Variants in LZTS1 observed in about 807,000 individuals in gnomAD.
LZTS1 encodes leucine zipper putative tumor suppressor 1.
LZTS1 carries 31 observed loss-of-function variants against 45.8 expected under a neutral mutation model. The observed-to-expected ratio is 0.68, with a 90% confidence interval of 0.51 to 0.91. The LOEUF (loss-of-function observed/expected upper bound fraction) is 0.91. LZTS1 is among the 40% of genes least tolerant of loss of function. The pLI is 0.00. For synonymous variants in LZTS1, 359 were observed against 357.3 expected, an observed-to-expected ratio of 1.00 and a Z score of -0.05; for missense variants, 821 against 788.9, an observed-to-expected ratio of 1.04 and a Z score of -0.49.
intron 1 of LZTS1, among the ~76,000 whole-genome samples, chr8:20,259,883 T>A (rs376304280): frequency 7.0e-6 from 1 of 143,726 alleles, no homozygotes; most frequent in South Asian, 2.3e-4. Flanking sequence ...CCTGTACTAA[T>A]CTTATTATTT....
chr8:20,279,095 G>C (rs1800637790), intron 1 of LZTS1, among the ~76,000 whole-genome samples: 1 of 152,180 alleles, frequency 6.6e-6, no homozygotes, highest in African/African-American at 2.4e-5. Flanking sequence ...CCAGCCTTCT[G>C]CCTGTGAAAA....
chr8:20,267,771 T>C (rs1486338351), intron 1 of LZTS1, among the ~76,000 whole-genome samples: 1 of 152,112 alleles, frequency 6.6e-6, no homozygotes, highest in East Asian at 1.9e-4. Flanking sequence ...CGACTCGGAC[T>C]CCCAAAGTGC....
intron 1 of LZTS1, among the ~76,000 whole-genome samples, chr8:20,269,952 C>T (rs1159597484): frequency 2.6e-5 from 4 of 152,286 alleles, no homozygotes; most frequent in South Asian, 4.1e-4. Context: ...CTCTCACTAA[C>T]GGGCACCCTC....
intron 1 of LZTS1, among the ~76,000 whole-genome samples, chr8:20,285,657 G>T (rs2128898018): frequency 6.6e-6 from 1 of 152,230 alleles, no homozygotes; most frequent in South Asian, 2.1e-4. Context: ...TATGCACATT[G>T]ACCTAGTGAC....
intron 1 of LZTS1, among the ~76,000 whole-genome samples, chr8:20,285,964 A>C (rs1026863853): frequency 6.6e-6 from 1 of 152,222 alleles, no homozygotes; most frequent in Admixed American, 6.5e-5. Flanking sequence ...TTGAGGAAAA[A>C]GTAAATATTG....
chr8:20,294,209 A>G (rs1225649632), intron 1 of LZTS1, among the ~76,000 whole-genome samples: 1 of 152,200 alleles, frequency 6.6e-6, no homozygotes, highest in African/African-American at 2.4e-5. Flanking sequence ...TCTAGAATAG[A>G]AGTAAGTCCA....
intron 3 of LZTS1, among the ~76,000 whole-genome samples, chr8:20,250,842 GC>G: frequency 6.6e-6 from 1 of 151,800 alleles, no homozygotes; most frequent in African/African-American, 2.4e-5. Context: ...CAAGTGCTCT[GC>G]CTGCCTCTGC....
chr8:20,271,681 G>A (rs1800477627), intron 1 of LZTS1, among the ~76,000 whole-genome samples: 3 of 152,200 alleles, frequency 2.0e-5, no homozygotes, highest in South Asian at 4.1e-4. Context: ...GACCGCGGCT[G>A]CTTCACCAGT....
chr8:20,285,636 G>T (rs1487056560), intron 1 of LZTS1, among the ~76,000 whole-genome samples: 1 of 152,170 alleles, frequency 6.6e-6, no homozygotes. Context: ...ATAATCTAAA[G>T]ATTTACATTT....
At position 20,267,285 on chromosome 8, in the gene LZTS1, T is replaced by C. The variant is rs139585731; in HGVS notation, c.-134-11970A>G. Among the ~76,000 whole-genome samples the C allele has an allele frequency of 5.4e-3, 813 of 151,784 alleles. 7 individuals are homozygous for C. Among genetic ancestry groups the C allele is most frequent in the African/African-American group, 0.019 (766 of 41,344 alleles). On this transcript the variant is annotated intron_variant, in intron 1 of 3. Coordinates refer to ENST00000381569, the MANE Select transcript of LZTS1 (RefSeq NM_021020.5). The stretch of plus-strand genomic sequence containing the variant: ...CCCCAGGGTGCTGAGAGCCCAAGAG[T>C]GTAGACCTGGTCTCCATGTTGGGGG...
At chr8:20,253,607 G>A (rs755048808) in intron 2 of LZTS1, 22 bp from the exon 3 acceptor site, 5 of 1,432,056 alleles carry the variant, frequency 3.5e-6, no homozygotes, top group African/African-American at 1.4e-5. Flanking sequence ...AAGGACCGCG[G>A]TGACTCATGC....
chr8:20,286,754 T>C (rs1431700575), intron 1 of LZTS1, among the ~76,000 whole-genome samples: 1 of 152,202 alleles, frequency 6.6e-6, no homozygotes, highest in Non-Finnish European at 1.5e-5. Flanking sequence ...CACAGTAGAA[T>C]GAATGGGCTG....
At chr8:20,272,811 C>T (rs1209776513) in intron 1 of LZTS1, among the ~76,000 whole-genome samples, 2 of 152,334 alleles carry the variant, frequency 1.3e-5, no homozygotes, top group South Asian at 4.1e-4. Context: ...CCAGCCATGG[C>T]GTGACTCTCG....
At chr8:20,275,158 T>C (rs944486400) in intron 1 of LZTS1, among the ~76,000 whole-genome samples, 2 of 152,060 alleles carry the variant, frequency 1.3e-5, no homozygotes, top group African/African-American at 4.8e-5. Flanking sequence ...TCCCAGTACT[T>C]TGGGAGACTG....
At chr8:20,273,071 C>G (rs564561114) in intron 1 of LZTS1, among the ~76,000 whole-genome samples, 1 of 152,294 alleles carries the variant, frequency 6.6e-6, no homozygotes, top group Admixed American at 6.5e-5. Flanking sequence ...TCTGTCCCCA[C>G]CAATCCACTA....
chr8:20,250,545 C>A (rs909470141), intron 3 of LZTS1, among the ~76,000 whole-genome samples, 182 bp from the exon 4 acceptor site: 1 of 152,208 alleles, frequency 6.6e-6, no homozygotes, highest in Non-Finnish European at 1.5e-5. Flanking sequence ...CCCAGGTTAT[C>A]GAGCTAGGCT....
chr8:20,283,413 C>T (rs761731353), intron 1 of LZTS1, among the ~76,000 whole-genome samples: 1 of 152,170 alleles, frequency 6.6e-6, no homozygotes, highest in African/African-American at 2.4e-5. Flanking sequence ...TCCCCAGACA[C>T]TGAATCTGCT....
Position 20,303,834 on chromosome 8 carries a change from G to C in LZTS1, c.-229C>G. 1 of 985,116 alleles carries C rather than the reference G, an allele frequency of 1.0e-6. No individual in the cohort carries two copies. 61.0% of individuals were successfully genotyped at this position (985,116 alleles called of 1,614,324 possible). A position where few individuals can be genotyped will look rare whatever the true frequency, so the allele number is the denominator to read the frequency against. ...TCTCTTTTTCCAGAGCTGCTGAGCG[G>C]GCCGGGCCGGTCCCACTGCGCGGGA... On this transcript the variant is annotated 5_prime_UTR_variant, in exon 1 of 4. Coordinates refer to ENST00000381569, the MANE Select transcript of LZTS1 (RefSeq NM_021020.5).
At chr8:20,260,116 G>C (rs1800195135) in intron 1 of LZTS1, among the ~76,000 whole-genome samples, 1 of 152,136 alleles carries the variant, frequency 6.6e-6, no homozygotes, top group Non-Finnish European at 1.5e-5. Context: ...TGCCCATGCT[G>C]GTCTTAAACT....
Sources: allele counts gnomAD v4.1 joint callset (sites outside exome capture counted in the v4.1 genomes callset), GRCh38; gene constraint gnomAD v4.1.1; transcripts MANE v1.5; gene names NCBI Gene and HGNC (gene_info 2026-07-23, HGNC 2026-07-21).